Variants in APBB2 observed in about 807,000 individuals in gnomAD.
APBB2 encodes the protein Fe65-like 1.
A neutral mutation model predicts 82.5 loss-of-function variants in APBB2; 38 were observed. The ratio of observed to expected loss-of-function variants is 0.46; its 90% CI spans 0.36 to 0.60. APBB2 has a LOEUF of 0.60. Among genes scored for constraint, APBB2 ranks in the 20% least tolerant of loss-of-function variants. The pLI is 0.00. For synonymous variants in APBB2, 341 were observed against 368.2 expected, an observed-to-expected ratio of 0.93 and a Z score of 0.85; for missense variants, 772 against 972.3, an observed-to-expected ratio of 0.79 and a Z score of 2.74.
At chr4:40,849,725 CTTTTTTT>C (rs758207803) in intron 12 of APBB2, among the ~76,000 whole-genome samples, 3 of 123,238 alleles carry the variant, frequency 2.4e-5, no homozygotes, top group East Asian at 4.7e-4. Flanking sequence ...ACTAAAGTTA[CTTTTTTT>C]TTTTTTTTTT....
rs1018351316 is a variant in APBB2 at position 40,815,769 on chromosome 4, G to T, written c.*323C>A. On this transcript the variant is annotated 3_prime_UTR_variant, in exon 18 of 18. Coordinates refer to ENST00000508593, the MANE Select transcript of APBB2 (RefSeq NM_004307.2). ...GCATCATTCATTCCAAGGACGCAGC[G>T]TTAGTTCACTAGGAGGGGTGGGGCC... is the stretch of plus-strand genomic sequence containing the variant. The T allele has an allele frequency of 3.8e-6, 1 of 265,884 alleles. No homozygotes were observed. Among genetic ancestry groups the T allele is most frequent in the Non-Finnish European group, 7.3e-6 (1 of 136,606 alleles). The allele number at this position is 265,884 out of a possible 1,614,324, so 16.5% of individuals were successfully genotyped here.
intron 2 of APBB2, among the ~76,000 whole-genome samples, chr4:41,139,052 TA>T (rs2154018100): frequency 6.6e-6 from 1 of 152,252 alleles, no homozygotes; most frequent in East Asian, 1.9e-4. Flanking sequence ...CTGAAAGCAA[TA>T]TAACACTGTT....
In APBB2 at chr4:40,830,549, C is replaced by G. The variant is rs1388913844; in HGVS notation, c.1558G>C (p.Asp520His). ...RDFAYVARDK[D>H]TRILKCHVFR... is the part of the protein sequence containing the mutation. ...ACATGACATTTCAAAATTCTTGTAT[C>G]TTTATCTCTTGCTACATAAGCAAAA... Residue 520 changes from aspartate to histidine, a missense_variant, in exon 13 of 18, where the codon GAT becomes CAT. Physicochemically the swap from Asp to His is moderately conservative, Grantham distance 81. Coordinates refer to ENST00000508593, the MANE Select transcript of APBB2 (RefSeq NM_004307.2). The G allele has an allele frequency of 2.5e-6, 4 of 1,613,938 alleles. No individual in the cohort carries two copies. In the Admixed American group the frequency reaches 6.7e-5, roughly 27 times the overall value.
intron 2 of APBB2, among the ~76,000 whole-genome samples, chr4:41,142,088 T>C (rs1406629969): frequency 6.6e-6 from 1 of 152,130 alleles, no homozygotes; most frequent in African/African-American, 2.4e-5. Flanking sequence ...TATTAAAAGA[T>C]GGAGGAAAAG....
At chr4:41,022,802 A>G (rs1053901333) in intron 5 of APBB2, among the ~76,000 whole-genome samples, 3 of 152,144 alleles carry the variant, frequency 2.0e-5, no homozygotes, top group Non-Finnish European at 2.9e-5. Flanking sequence ...AAATGTCTAG[A>G]CAGAATTTCT....
chr4:40,978,732 A>G (rs1797774825), intron 6 of APBB2, among the ~76,000 whole-genome samples: 1 of 152,200 alleles, frequency 6.6e-6, no homozygotes, highest in Non-Finnish European at 1.5e-5. Flanking sequence ...AGTCATCATG[A>G]AAATTATGAA....
At chr4:41,160,175 A>AG (rs1340831776) in intron 1 of APBB2, among the ~76,000 whole-genome samples, 3 of 152,132 alleles carry the variant, frequency 2.0e-5, no homozygotes, top group Non-Finnish European at 4.4e-5. Context: ...GCTGGCTGTA[A>AG]GGAACGGGTG....
intron 2 of APBB2, among the ~76,000 whole-genome samples, chr4:41,117,678 T>C (rs1580180625): frequency 6.6e-6 from 1 of 152,082 alleles, no homozygotes; most frequent in Admixed American, 6.5e-5. Context: ...TGGTGGATGG[T>C]AGGGCCAGGG....
At chr4:40,967,399 G>A (rs914456512) in intron 6 of APBB2, among the ~76,000 whole-genome samples, 1 of 152,190 alleles carries the variant, frequency 6.6e-6, no homozygotes, top group Non-Finnish European at 1.5e-5. Context: ...GCAGCCTTTT[G>A]GGGAGCCCAG....
intron 10 of APBB2, among the ~76,000 whole-genome samples, chr4:40,916,038 A>T (rs1024716870): frequency 6.6e-6 from 1 of 152,120 alleles, no homozygotes; most frequent in Admixed American, 6.5e-5. Context: ...ACCGACTGGA[A>T]CTCAGTGTGT....
chr4:41,164,628 C>A (rs905845367), intron 1 of APBB2, among the ~76,000 whole-genome samples: 7 of 151,194 alleles, frequency 4.6e-5, no homozygotes, highest in African/African-American at 7.4e-5. Context: ...AAAACAAAAT[C>A]TTATATAGAT....
At chr4:41,020,320 C>T (rs1173382463) in intron 5 of APBB2, among the ~76,000 whole-genome samples, 1 of 152,202 alleles carries the variant, frequency 6.6e-6, no homozygotes, top group Admixed American at 6.5e-5. Flanking sequence ...AAAGGTCCAA[C>T]TAGATCTAGG....
intron 2 of APBB2, among the ~76,000 whole-genome samples, chr4:41,132,351 C>G (rs1212008451): frequency 6.6e-6 from 1 of 152,144 alleles, no homozygotes; most frequent in Non-Finnish European, 1.5e-5. Flanking sequence ...TGACCTTTGT[C>G]TAAGGGTTTT....
intron 4 of APBB2, among the ~76,000 whole-genome samples, chr4:41,048,947 A>T (rs1372806367): frequency 6.6e-6 from 1 of 152,070 alleles, no homozygotes; most frequent in African/African-American, 2.4e-5. Flanking sequence ...TTGCAGACGG[A>T]GTCTCGTTCA....
intron 6 of APBB2, among the ~76,000 whole-genome samples, chr4:40,989,009 C>T (rs564970052): frequency 6.6e-6 from 1 of 152,242 alleles, no homozygotes; most frequent in Admixed American, 6.5e-5. Flanking sequence ...ATCCACCCGC[C>T]TTGGTCTCCC....
intron 1 of APBB2, among the ~76,000 whole-genome samples, chr4:41,146,323 C>CAAAAA (rs35546477): frequency 1.7e-5 from 1 of 58,350 alleles, no homozygotes; most frequent in Middle Eastern, 0.012. Flanking sequence ...AAGACTGTCT[C>CAAAAA]AAAAAAAAAA....
At chr4:41,144,230 T>C (rs1760052460) in intron 1 of APBB2, among the ~76,000 whole-genome samples, 1 of 152,228 alleles carries the variant, frequency 6.6e-6, no homozygotes, top group Admixed American at 6.5e-5. Context: ...TCGTCACAAG[T>C]GTGCTAAGCA....
intron 4 of APBB2, among the ~76,000 whole-genome samples, chr4:41,036,822 C>T (rs1002413775): frequency 2.6e-5 from 4 of 152,182 alleles, no homozygotes; most frequent in African/African-American, 9.7e-5. Flanking sequence ...TTCCCCTAGA[C>T]ACTTATATCC....
At chr4:40,920,614 G>C (rs1781018306) in intron 10 of APBB2, among the ~76,000 whole-genome samples, 1 of 152,212 alleles carries the variant, frequency 6.6e-6, no homozygotes, top group African/African-American at 2.4e-5. Context: ...GCTCATGCCT[G>C]TAATCCCAGC....
Sources: gnomAD v4.1 joint callset for allele counts (sites outside exome capture counted in the v4.1 genomes callset) on GRCh38, gnomAD v4.1.1 for gene constraint, MANE v1.5 for transcripts, NCBI Gene and HGNC (gene_info 2026-07-23, HGNC 2026-07-21) for gene names.